The following CSMD1 variants were observed in gnomAD, a reference collection of about 807,000 sequenced individuals.
CSMD1 encodes the protein CUB and Sushi multiple domains 1.
In CSMD1, 213 loss-of-function variants were observed where a neutral mutation model predicts 417.5. The ratio of observed to expected loss-of-function variants is 0.51; its 90% confidence interval spans 0.46 to 0.57. The LOEUF (loss-of-function observed/expected upper bound fraction) is 0.57, where lower values mean the gene tolerates loss of function less well. CSMD1 is among the 20% of genes least tolerant of loss of function. The probability of loss-of-function intolerance (pLI) is 0.00; values close to 1 mark genes in which losing one functional copy is unlikely to be tolerated. For synonymous variants in CSMD1, 2,862 were observed against 1,736.8 expected (o/e 1.65, Z -16.11); for missense variants, 6,923 against 4,529.7 (o/e 1.53, Z -15.17).
chr8:3,167,518 T>C (rs1355778579), intron 37 of CSMD1, among the ~76,000 whole-genome samples: 1 of 152,228 alleles, frequency 6.6e-6, no homozygotes, highest in Non-Finnish European at 1.5e-5. Flanking sequence ...AGGTGGGTCT[T>C]ATGTACTGTA....
chr8:3,289,680 T>C (rs562516962), intron 25 of CSMD1, among the ~76,000 whole-genome samples: 1 of 147,524 alleles, frequency 6.8e-6, no homozygotes, highest in Non-Finnish European at 1.5e-5. Flanking sequence ...GTTGTTTGTT[T>C]TTTTCTTGAA....
intron 1 of CSMD1, among the ~76,000 whole-genome samples, chr8:4,664,920 A>G (rs1804820327): frequency 6.6e-6 from 1 of 152,214 alleles, no homozygotes. Context: ...AAAAACTTGC[A>G]TTAGGAATGT....
chr8:3,972,545 C>T (rs775577331), intron 5 of CSMD1, among the ~76,000 whole-genome samples: 11 of 152,152 alleles, frequency 7.2e-5, no homozygotes, highest in Non-Finnish European at 8.8e-5. Context: ...GCACGTGTGA[C>T]CACATATTGC....
chr8:4,636,083 C>A (rs998900919), intron 2 of CSMD1, among the ~76,000 whole-genome samples: 1 of 151,896 alleles, frequency 6.6e-6, no homozygotes, highest in African/African-American at 2.4e-5. Context: ...TAGATGTACA[C>A]ATAAAATTGT....
intron 1 of CSMD1, among the ~76,000 whole-genome samples, chr8:4,682,593 G>T (rs73659186): frequency 7.9e-4 from 120 of 152,084 alleles, no homozygotes; most frequent in African/African-American, 2.8e-3. Context: ...GTATGATGCA[G>T]TCTGAACACT....
chr8:4,886,327 A>G (rs1803736987), intron 1 of CSMD1, among the ~76,000 whole-genome samples: 1 of 151,870 alleles, frequency 6.6e-6, no homozygotes, highest in South Asian at 2.1e-4. Context: ...TTCCAGCACT[A>G]TATATATTTT....
chr8:4,838,866 G>C (rs983633555), intron 1 of CSMD1, among the ~76,000 whole-genome samples: 1 of 152,186 alleles, frequency 6.6e-6, no homozygotes, highest in Non-Finnish European at 1.5e-5. Context: ...TCTATCTCCA[G>C]TAGCAATCTT....
chr8:3,647,065 T>C (rs770080641), intron 7 of CSMD1, among the ~76,000 whole-genome samples: 2 of 152,218 alleles, frequency 1.3e-5, no homozygotes, highest in Non-Finnish European at 1.5e-5. Flanking sequence ...TCAGGTTTTC[T>C]TTTGTGAAGT....
intron 7 of CSMD1, among the ~76,000 whole-genome samples, chr8:3,668,087 A>T (rs1197120230): frequency 6.6e-6 from 1 of 152,114 alleles, no homozygotes; most frequent in Non-Finnish European, 1.5e-5. Flanking sequence ...CAGTCATTCT[A>T]CCCCTGGGCT....
intron 42 of CSMD1, among the ~76,000 whole-genome samples, chr8:3,117,012 A>G (rs1023678023): frequency 2.6e-5 from 4 of 152,184 alleles, no homozygotes; most frequent in African/African-American, 9.6e-5. Context: ...TAAATATTAG[A>G]TTAAGATAAA....
chr8:3,239,228 T>C (rs1799342510), intron 26 of CSMD1, among the ~76,000 whole-genome samples: 2 of 151,986 alleles, frequency 1.3e-5, no homozygotes, highest in African/African-American at 4.8e-5. Context: ...GATATAAAGG[T>C]TTCACTGAAT....
At chr8:3,925,119 G>T (rs1001863898) in intron 5 of CSMD1, among the ~76,000 whole-genome samples, 3 of 152,132 alleles carry the variant, frequency 2.0e-5, no homozygotes, top group African/African-American at 7.2e-5. Flanking sequence ...AGTAAAGAGA[G>T]CCTGAGGCAG....
chr8:4,662,501 G>A (rs1187464429), intron 1 of CSMD1, among the ~76,000 whole-genome samples: 1 of 152,072 alleles, frequency 6.6e-6, no homozygotes, highest in Admixed American at 6.5e-5. Flanking sequence ...GTGCTTTCTG[G>A]TGGTGAAAAG....
chr8:3,879,229 C>G (rs1225761906), intron 5 of CSMD1, among the ~76,000 whole-genome samples: 2 of 152,134 alleles, frequency 1.3e-5, no homozygotes, highest in African/African-American at 4.8e-5. Flanking sequence ...TATTTATACA[C>G]TATACCTGTG....
intron 7 of CSMD1, among the ~76,000 whole-genome samples, chr8:3,680,105 A>G (rs1234213734): frequency 6.6e-6 from 1 of 152,092 alleles, no homozygotes; most frequent in Non-Finnish European, 1.5e-5. Context: ...AATCGACACC[A>G]TAACATCACA....
At chr8:3,178,948 CTT>C (rs11347913) in intron 37 of CSMD1, among the ~76,000 whole-genome samples, 25,458 of 134,676 alleles carry the variant, frequency 0.19, 1,783 homozygotes, top group South Asian at 0.23. Context: ...ATCTATATTT[CTT>C]TTTTTTTTTT....
chr8:3,956,396 C>T (rs867865682), intron 5 of CSMD1, among the ~76,000 whole-genome samples: 1 of 152,024 alleles, frequency 6.6e-6, no homozygotes, highest in African/African-American at 2.4e-5. Flanking sequence ...AATTTGAAGC[C>T]CAGAAGTCTA....
At chr8:3,273,159 C>G (rs1335385180) in intron 26 of CSMD1, among the ~76,000 whole-genome samples, 1 of 151,164 alleles carries the variant, frequency 6.6e-6, no homozygotes, top group Admixed American at 6.6e-5. Flanking sequence ...TGAATTTTGT[C>G]AAAGGCCTTT....
intron 7 of CSMD1, among the ~76,000 whole-genome samples, chr8:3,693,694 G>A (rs1350212727): frequency 1.3e-5 from 2 of 152,152 alleles, no homozygotes; most frequent in South Asian, 4.1e-4. Flanking sequence ...AAATGAAACA[G>A]AACGGGAATT....
Sources: gnomAD v4.1 joint callset for allele counts (sites outside exome capture counted in the v4.1 genomes callset) on GRCh38, gnomAD v4.1.1 for gene constraint, MANE v1.5 for transcripts, NCBI Gene and HGNC (gene_info 2026-07-23, HGNC 2026-07-21) for gene names.